CACNA1D: variants seen among roughly 807,000 people sequenced by gnomAD.
CACNA1D encodes the protein calcium voltage-gated channel subunit alpha1 D.
CACNA1D carries 55 observed loss-of-function variants against 257.1 expected under a neutral mutation model. The observed-to-expected ratio is 0.21, with a 90% CI of 0.17 to 0.27. CACNA1D has a LOEUF of 0.27. Ranked by LOEUF, CACNA1D falls within the 10% of genes least tolerant of loss-of-function variation. The probability of loss-of-function intolerance (pLI) is 1.00; values close to 1 mark genes in which losing one functional copy is unlikely to be tolerated. For missense variants in CACNA1D, 1,876 were observed against 2,784.0 expected, an observed-to-expected ratio of 0.67 and a Z score of 7.34; for synonymous variants, 980 against 1,014.9, an observed-to-expected ratio of 0.97 and a Z score of 0.65.
At chr3:53,537,555 A>AT (rs991550957) in intron 3 of CACNA1D, among the ~76,000 whole-genome samples, 2 of 152,042 alleles carry the variant, frequency 1.3e-5, no homozygotes, top group Admixed American at 6.5e-5. Context: ...CATGAGAAAA[A>AT]AATAATAATT....
intron 8 of CACNA1D, among the ~76,000 whole-genome samples, chr3:53,677,083 C>G: frequency 6.6e-6 from 1 of 152,204 alleles, no homozygotes; most frequent in East Asian, 1.9e-4. Context: ...TAATTGAACT[C>G]CCTTTTGAGG....
chr3:53,535,556 C>T (rs1394647256), intron 3 of CACNA1D, among the ~76,000 whole-genome samples: 3 of 152,170 alleles, frequency 2.0e-5, no homozygotes, highest in Non-Finnish European at 2.9e-5. Flanking sequence ...AATTAGAGCT[C>T]TGCATTGGAT....
chr3:53,729,553 T>A (rs2094968326), intron 15 of CACNA1D, among the ~76,000 whole-genome samples: 1 of 152,228 alleles, frequency 6.6e-6, no homozygotes. Context: ...CATGCTTCAC[T>A]GCTAGTGGGT....
chr3:53,691,841 CATATATA>C (rs1209786930), intron 8 of CACNA1D, among the ~76,000 whole-genome samples: 23 of 87,694 alleles, frequency 2.6e-4, no homozygotes, highest in East Asian at 1.8e-3. Context: ...ATATATATTA[CATATATA>C]ATATATAATA....
At chr3:53,736,518 A>G (rs1418198484) in intron 20 of CACNA1D, among the ~76,000 whole-genome samples, 1 of 152,236 alleles carries the variant, frequency 6.6e-6, no homozygotes. Flanking sequence ...TGCACCAGGC[A>G]GAGCCACTTG....
intron 29 of CACNA1D, among the ~76,000 whole-genome samples, chr3:53,761,389 G>A (rs1198352088): frequency 4.6e-5 from 7 of 152,172 alleles, no homozygotes; most frequent in Admixed American, 2.0e-4. Context: ...TGTGCCTCAC[G>A]GTGCCTGTGT....
intron 3 of CACNA1D, among the ~76,000 whole-genome samples, chr3:53,521,136 C>A (rs1325340648): frequency 6.6e-6 from 1 of 151,938 alleles, no homozygotes; most frequent in African/African-American, 2.4e-5. Flanking sequence ...AACTCCTGGG[C>A]TCAAGCAATC....
At chr3:53,660,329 T>G in intron 5 of CACNA1D, 54 bp downstream of exon 5, 1 of 1,589,994 alleles carries the variant, frequency 6.3e-7, no homozygotes, top group Non-Finnish European at 8.6e-7. Context: ...TTCTTCCAGG[T>G]GGGTTTCAGA....
intron 3 of CACNA1D, among the ~76,000 whole-genome samples, chr3:53,541,826 C>G (rs1458383073): frequency 2.0e-5 from 3 of 152,042 alleles, no homozygotes; most frequent in African/African-American, 7.2e-5. Context: ...ATTTGTATAA[C>G]GGTCTTTTAC....
At chr3:53,595,042 T>G (rs1422548528) in intron 3 of CACNA1D, among the ~76,000 whole-genome samples, 1 of 152,250 alleles carries the variant, frequency 6.6e-6, no homozygotes. Context: ...ATTTCTTTCC[T>G]CAGGTTTCAA....
intron 3 of CACNA1D, among the ~76,000 whole-genome samples, chr3:53,627,993 C>G (rs1490113257): frequency 6.6e-6 from 1 of 151,984 alleles, no homozygotes; most frequent in African/African-American, 2.4e-5. Flanking sequence ...GCATTCCAGC[C>G]TGGGTGACAG....
At position 53,594,929 on chromosome 3, in the gene CACNA1D, C is replaced by T. The variant is rs964598545; in HGVS notation, c.484-55850C>T. On this transcript the variant is annotated intron_variant, in intron 3 of 47. Transcript: ENST00000350061. ...ATTGAGGAAAAAATGACAGGAGTCA[C>T]CCAGATATGAAAATCAGATCTTGAA... 2.0e-5 allele frequency among the ~76,000 whole-genome samples: 3 copies of T among 152,322 alleles called. No individual in the cohort carries two copies. In the South Asian group the frequency reaches 6.2e-4, roughly 32 times the overall value.
intron 3 of CACNA1D, among the ~76,000 whole-genome samples, chr3:53,523,106 G>T (rs761099150): frequency 2.6e-5 from 4 of 152,228 alleles, no homozygotes; most frequent in Non-Finnish European, 5.9e-5. Flanking sequence ...TTGGTTGGTG[G>T]TGTTTTGGGT....
At position 53,671,794 on chromosome 3, in the gene CACNA1D, G is replaced by A. The variant is rs117279717; in HGVS notation, c.1117-1229G>A. Among the ~76,000 whole-genome samples, 124 of 152,254 alleles carry A rather than the reference G, an allele frequency of 8.1e-4. 2 individuals carry two copies. In the East Asian group the frequency reaches 0.02, roughly 25 times the overall value. On this transcript the variant is annotated intron_variant, in intron 7 of 47. Coordinates refer to ENST00000350061, the MANE Select transcript of CACNA1D (RefSeq NM_001128840.3). ...TCGAGGCAAACATTGTGAAATGCACGAGCCTCATTCTGTAAAGTTAAAACC... is the reference window on the plus strand; with the variant it reads ...TCGAGGCAAACATTGTGAAATGCACAAGCCTCATTCTGTAAAGTTAAAACC...
chr3:53,627,457 T>A (rs1244844804), intron 3 of CACNA1D, among the ~76,000 whole-genome samples: 1 of 152,232 alleles, frequency 6.6e-6, no homozygotes, highest in East Asian at 1.9e-4. Context: ...AGTTTATCCA[T>A]CTTGCAAACG....
At chr3:53,612,630 G>A (rs185026709) in intron 3 of CACNA1D, among the ~76,000 whole-genome samples, 16 of 152,326 alleles carry the variant, frequency 1.1e-4, no homozygotes, top group Admixed American at 5.2e-4. Flanking sequence ...TCCCTCTTCA[G>A]ATTTCTGGAT....
intron 40 of CACNA1D, among the ~76,000 whole-genome samples, chr3:53,790,553 T>C (rs544878126): frequency 6.6e-6 from 1 of 152,344 alleles, no homozygotes; most frequent in East Asian, 1.9e-4. Flanking sequence ...TGTTTGGAAG[T>C]TTGGTTTAAG....
At chr3:53,496,059 C>T (rs187952214) in intron 1 of CACNA1D, among the ~76,000 whole-genome samples, 212 of 152,350 alleles carry the variant, frequency 1.4e-3, no homozygotes, top group Non-Finnish European at 2.6e-3. Context: ...GTCCCCGCTC[C>T]GATTGCCCGC....
chr3:53,591,155 T>C (rs1467210408), intron 3 of CACNA1D, among the ~76,000 whole-genome samples: 1 of 152,224 alleles, frequency 6.6e-6, no homozygotes, highest in East Asian at 1.9e-4. Flanking sequence ...GGGCCCCATG[T>C]ATTTTTCTCT....
Sources: allele counts gnomAD v4.1 joint callset (sites outside exome capture counted in the v4.1 genomes callset), GRCh38; gene constraint gnomAD v4.1.1; transcripts MANE v1.5; gene names NCBI Gene and HGNC (gene_info 2026-07-23, HGNC 2026-07-21).